Variants in GJC1 observed in about 807,000 individuals in gnomAD.
GJC1 encodes gap junction protein gamma 1, also known as gap junction gamma-1 protein.
GJC1 carries 5 observed loss-of-function variants against 29.3 expected under a neutral mutation model. That is an observed-to-expected ratio of 0.17 (90% CI 0.09 to 0.36). GJC1 has a LOEUF of 0.36. Among genes scored for constraint, GJC1 ranks in the 10% least tolerant of loss-of-function variants. The probability of loss-of-function intolerance (pLI) is 1.00; values close to 1 mark genes in which losing one functional copy is unlikely to be tolerated. For synonymous variants in GJC1, 177 were observed against 183.3 expected (o/e 0.97, Z 0.28); for missense variants, 310 against 496.2 (o/e 0.62, Z 3.56).
At chr17:44,823,938 C>T (rs774561832) in intron 1 of GJC1, among the ~76,000 whole-genome samples, 5 of 151,850 alleles carry the variant, frequency 3.3e-5, no homozygotes, top group Admixed American at 2.0e-4. Context: ...GTCTCGATCT[C>T]CTGATCTCAT....
intron 1 of GJC1, among the ~76,000 whole-genome samples, chr17:44,808,717 G>A (rs1297088168): frequency 6.6e-6 from 1 of 152,146 alleles, no homozygotes; most frequent in Non-Finnish European, 1.5e-5. Flanking sequence ...AGTTGTGATC[G>A]TGCCACTGCA....
intron 2 of GJC1, 147 bp downstream of exon 2, chr17:44,807,247 C>T (rs1325379834): frequency 6.6e-6 from 1 of 152,156 alleles, no homozygotes; most frequent in Admixed American, 6.6e-5. Flanking sequence ...GTAAAAACCA[C>T]CTAAATGAGG....
intron 1 of GJC1, among the ~76,000 whole-genome samples, chr17:44,823,874 G>A (rs546876832): frequency 2.6e-5 from 4 of 151,068 alleles, no homozygotes; most frequent in Admixed American, 1.3e-4. Context: ...ACCACACCTG[G>A]CTAATTTTTT....
At chr17:44,813,242 T>G (rs1457083846) in intron 1 of GJC1, 1 of 150,692 alleles carries the variant, frequency 6.6e-6, no homozygotes. Flanking sequence ...TAATTTTTAG[T>G]AGAGATGGGG....
intron 1 of GJC1, among the ~76,000 whole-genome samples, chr17:44,808,037 C>T (rs2049931644): frequency 6.6e-6 from 1 of 152,212 alleles, no homozygotes; most frequent in African/African-American, 2.4e-5. Flanking sequence ...CTGGATTAAA[C>T]AGCAAAACAG....
intron 1 of GJC1, among the ~76,000 whole-genome samples, chr17:44,822,412 C>T (rs568584166): frequency 2.0e-5 from 3 of 151,448 alleles, no homozygotes; most frequent in East Asian, 1.9e-4. Flanking sequence ...GAGGCCGAGG[C>T]GGGTGGATCA....
rs1260644587 is a variant in GJC1, at chr17:44,802,078, T to A, written c.*2549A>T. 6.6e-6 allele frequency: 1 copy of A among 152,202 alleles called. No homozygotes were observed. Among genetic ancestry groups the A allele is most frequent in the African/African-American group, 2.4e-5 (1 of 41,442 alleles). 9.4% of individuals were successfully genotyped at this position (152,202 alleles called of 1,614,324 possible). A position where few individuals can be genotyped will look rare whatever the true frequency, so the allele number is the denominator to read the frequency against. On this transcript the variant is annotated 3_prime_UTR_variant, in exon 3 of 3. Coordinates refer to ENST00000592524, the MANE Select transcript of GJC1 (RefSeq NM_005497.4). ...AATAGATTTTAAAAGTGTGTGCATG[T>A]GGGGAGGTGACAGAATATCTTTATA...
At chr17:44,817,717 A>C (rs1450924267) in intron 1 of GJC1, among the ~76,000 whole-genome samples, 2 of 151,564 alleles carry the variant, frequency 1.3e-5, no homozygotes, top group Non-Finnish European at 2.9e-5. Context: ...TCTCAAAAAA[A>C]CCCAAAAACC....
intron 1 of GJC1, among the ~76,000 whole-genome samples, chr17:44,819,783 C>T (rs2050089002): frequency 6.6e-6 from 1 of 152,172 alleles, no homozygotes. Flanking sequence ...ATCCATTCAT[C>T]TGTTGACAGA....
chr17:44,817,503 G>A (rs1415196790), intron 1 of GJC1, among the ~76,000 whole-genome samples: 4 of 151,676 alleles, frequency 2.6e-5, no homozygotes. Flanking sequence ...CTGAAGTCAG[G>A]AGTTCGAGAC....
intron 1 of GJC1, among the ~76,000 whole-genome samples, chr17:44,810,442 T>C (rs1323462045): frequency 6.6e-6 from 1 of 152,182 alleles, no homozygotes; most frequent in Non-Finnish European, 1.5e-5. Flanking sequence ...ACACATCCAT[T>C]AGTAAGTATT....
downstream of GJC1, among the ~76,000 whole-genome samples, chr17:44,796,636 T>C (rs1438958634): frequency 6.6e-6 from 1 of 152,208 alleles, no homozygotes; most frequent in African/African-American, 2.4e-5. Context: ...AATTTGGGGG[T>C]AATGCAACTA....
intron 1 of GJC1, among the ~76,000 whole-genome samples, chr17:44,809,014 A>C (rs2049943980): frequency 6.6e-6 from 1 of 152,160 alleles, no homozygotes; most frequent in East Asian, 1.9e-4. Flanking sequence ...GGGGAGGTGG[A>C]GGTTGCGGTG....
In GJC1 at chr17:44,805,480, C is replaced by T. The variant is rs45464491; in HGVS notation, c.338G>A (p.Arg113Gln). 5.6e-6 allele frequency: 9 copies of T among 1,614,008 alleles called. No homozygotes were observed. Among genetic ancestry groups the T allele is most frequent in the African/African-American group, 2.7e-5 (2 of 74,898 alleles). Residue 113 changes from arginine to glutamine, a missense_variant, in exon 3 of 3, where the codon CGG becomes CAG. Physicochemically the swap from Arg to Gln is conservative, Grantham distance 43. Around this residue, in one of 4 missense-constraint regions of GJC1, gnomAD observed 82 missense variants for 100.7 expected, o/e 0.81. Transcript: ENST00000592524. The surrounding 1 kb of genome is among the most constrained non-coding windows in gnomAD (Gnocchi z 5.1). ...CCAGCGCATTGCATAGGGCTTGCTCCGAGCTGCCTTCTTGTCTGCTTCACC... is the reference window on the plus strand; with the variant it reads ...CCAGCGCATTGCATAGGGCTTGCTCTGAGCTGCCTTCTTGTCTGCTTCACC... Reference protein sequence around the residue: ...EHGEADKKAARSKPYAMRWKQ... With the variant: ...EHGEADKKAAQSKPYAMRWKQ...
intron 1 of GJC1, among the ~76,000 whole-genome samples, chr17:44,816,038 G>A (rs181056897): frequency 2.2e-3 from 335 of 150,284 alleles, no homozygotes; most frequent in African/African-American, 7.7e-3. Context: ...GTGTGAACCC[G>A]GGAGGCGGAG....
chr17:44,827,768 T>C (rs1355109210), intron 1 of GJC1, among the ~76,000 whole-genome samples: 1 of 151,676 alleles, frequency 6.6e-6, no homozygotes, highest in African/African-American at 2.4e-5. Context: ...CCATCTCTGC[T>C]AAAACTACAA....
chr17:44,806,403 T>TTG (rs1226363645), intron 2 of GJC1, among the ~76,000 whole-genome samples: 41 of 142,160 alleles, frequency 2.9e-4, no homozygotes, highest in South Asian at 1.6e-3. Context: ...TTCTGTTTGT[T>TTG]TTTTTTTTTT....
chr17:44,807,774 A>G (rs1379462604), intron 1 of GJC1: 1 of 152,222 alleles, frequency 6.6e-6, no homozygotes, highest in Non-Finnish European at 1.5e-5. Context: ...GGAAAAAGCC[A>G]AAGCAGAAGA....
intron 1 of GJC1, among the ~76,000 whole-genome samples, chr17:44,825,434 C>A (rs1203149904): frequency 1.3e-5 from 2 of 151,644 alleles, no homozygotes; most frequent in South Asian, 2.1e-4. Context: ...TGCGGTGAGC[C>A]GAGATTGCGC....
Sources: allele counts gnomAD v4.1 joint callset (sites outside exome capture counted in the v4.1 genomes callset), GRCh38; gene constraint gnomAD v4.1.1; regional missense constraint gnomAD v4.1.1; non-coding constraint Gnocchi (gnomAD v3.1); transcripts MANE v1.5; gene names NCBI Gene and HGNC (gene_info 2026-07-23, HGNC 2026-07-21).